Variants in KIAA0825 observed in about 807,000 individuals in gnomAD.
The protein encoded by KIAA0825 is KIAA0825.
A neutral mutation model predicts 147.6 loss-of-function variants in KIAA0825; 119 were observed. That is an observed-to-expected ratio of 0.81 (90% CI 0.69 to 0.94). The LOEUF is 0.94. Among genes scored for constraint, KIAA0825 ranks in the 40% least tolerant of loss-of-function variants. The probability of loss-of-function intolerance (pLI) is 0.00; values close to 1 mark genes in which losing one functional copy is unlikely to be tolerated. For missense variants in KIAA0825, 1,381 were observed against 1,472.7 expected (o/e 0.94, Z 1.02); for synonymous variants, 470 against 518.1 (o/e 0.91, Z 1.26).
intron 1 of KIAA0825, among the ~76,000 whole-genome samples, chr5:94,613,643 C>T (rs901142569): frequency 6.6e-6 from 1 of 152,204 alleles, no homozygotes; most frequent in Non-Finnish European, 1.5e-5. Flanking sequence ...CCAACCCATA[C>T]TTTGTTGGCC....
intron 2 of KIAA0825, among the ~76,000 whole-genome samples, chr5:94,574,237 C>G (rs556421578): frequency 1.3e-5 from 2 of 152,058 alleles, no homozygotes; most frequent in African/African-American, 2.4e-5. Flanking sequence ...ACTTGAGGAA[C>G]GATCCACAAC....
chr5:94,496,600 G>T (rs989317516), intron 5 of KIAA0825, among the ~76,000 whole-genome samples: 1 of 152,154 alleles, frequency 6.6e-6, no homozygotes, highest in African/African-American at 2.4e-5. Context: ...GAATGCACCC[G>T]TGTGGCAGAT....
At chr5:94,516,931 T>C (rs1767362265) in intron 5 of KIAA0825, among the ~76,000 whole-genome samples, 1 of 152,086 alleles carries the variant, frequency 6.6e-6, no homozygotes, top group East Asian at 1.9e-4. Flanking sequence ...CGAAACACCA[T>C]CTCTACTAAA....
chr5:94,586,023 G>A (rs1028361612), intron 1 of KIAA0825, among the ~76,000 whole-genome samples: 1 of 152,166 alleles, frequency 6.6e-6, no homozygotes, highest in African/African-American at 2.4e-5. Flanking sequence ...CCGAATCTCA[G>A]GGACACATTT....
intron 20 of KIAA0825, among the ~76,000 whole-genome samples, chr5:94,216,650 C>T (rs1293870216): frequency 1.3e-5 from 2 of 152,174 alleles, no homozygotes; most frequent in African/African-American, 4.8e-5. Flanking sequence ...GGGAGGAGAG[C>T]CATTTTTCTC....
chr5:94,383,105 A>G (rs917642474), intron 20 of KIAA0825, among the ~76,000 whole-genome samples: 4 of 152,168 alleles, frequency 2.6e-5, no homozygotes, highest in Non-Finnish European at 4.4e-5. Flanking sequence ...TCTTTGGGAC[A>G]GTATAGGTGC....
At chr5:94,310,609 A>G (rs1779075177) in intron 20 of KIAA0825, among the ~76,000 whole-genome samples, 3 of 151,714 alleles carry the variant, frequency 2.0e-5, no homozygotes, top group African/African-American at 7.2e-5. Context: ...ACAATAAATA[A>G]TGTGAACATA....
In KIAA0825 at chr5:94,564,980, TCTC is replaced by T. The variant is rs1196857856; in HGVS notation, c.-2+17450_-2+17452del. 2.7e-5 allele frequency among the ~76,000 whole-genome samples: 4 copies of T among 146,598 alleles called. No homozygotes were observed. In the East Asian group the frequency reaches 7.9e-4, roughly 29 times the overall value. On this transcript the variant is annotated intron_variant, in intron 2 of 20. Transcript: ENST00000682413. The stretch of plus-strand genomic sequence containing the variant: ...TTCTTTTCTTTTCTTTTTCTTCTCT[TCTC>T]TTCTCTTCTCCTCTCTCTCTCTCTC...
chr5:94,565,833 T>G (rs1473374897), intron 2 of KIAA0825, among the ~76,000 whole-genome samples: 1 of 152,206 alleles, frequency 6.6e-6, no homozygotes, highest in East Asian at 1.9e-4. Flanking sequence ...TGTGGAAAGA[T>G]TGAATCAAGC....
intron 20 of KIAA0825, among the ~76,000 whole-genome samples, chr5:94,251,106 A>C (rs771809462): frequency 6.6e-6 from 1 of 152,036 alleles, no homozygotes; most frequent in Non-Finnish European, 1.5e-5. Flanking sequence ...TCTAAAACTC[A>C]CCAGGAATTT....
intron 14 of KIAA0825, among the ~76,000 whole-genome samples, chr5:94,436,015 C>T (rs1756324479): frequency 6.6e-6 from 1 of 152,094 alleles, no homozygotes; most frequent in African/African-American, 2.4e-5. Context: ...ATTATAGATG[C>T]TGGATATTAG....
chr5:94,206,690 ATC>A (rs1772231775), intron 20 of KIAA0825, among the ~76,000 whole-genome samples: 1 of 152,178 alleles, frequency 6.6e-6, no homozygotes, highest in Admixed American at 6.6e-5. Flanking sequence ...TTTCTTACAC[ATC>A]AAAGGTTTCC....
intron 20 of KIAA0825, among the ~76,000 whole-genome samples, chr5:94,333,815 C>G (rs1781519578): frequency 6.6e-6 from 1 of 152,144 alleles, no homozygotes; most frequent in African/African-American, 2.4e-5. Flanking sequence ...AACAGACACA[C>G]AGAGAGCCAA....
At chr5:94,371,941 G>T (rs1389223559) in intron 20 of KIAA0825, among the ~76,000 whole-genome samples, 1 of 152,156 alleles carries the variant, frequency 6.6e-6, no homozygotes. Context: ...TACAATGGGG[G>T]TACAGGCATT....
At chr5:94,616,446 G>C (rs1490146050) in intron 1 of KIAA0825, among the ~76,000 whole-genome samples, 1 of 152,134 alleles carries the variant, frequency 6.6e-6, no homozygotes, top group African/African-American at 2.4e-5. Context: ...GAGTGGAACA[G>C]CACAGTTTTG....
chr5:94,609,983 T>A (rs1366085230), intron 1 of KIAA0825, among the ~76,000 whole-genome samples: 1 of 152,102 alleles, frequency 6.6e-6, no homozygotes, highest in East Asian at 1.9e-4. Flanking sequence ...CTAGCATGAA[T>A]ATATGCTAGA....
intron 20 of KIAA0825, among the ~76,000 whole-genome samples, chr5:94,333,532 G>C (rs1342422480): frequency 6.6e-6 from 1 of 152,144 alleles, no homozygotes; most frequent in Admixed American, 6.5e-5. Context: ...AGATCAGATG[G>C]TTGTAGATGT....
intron 5 of KIAA0825, among the ~76,000 whole-genome samples, chr5:94,511,353 G>T (rs1195970795): frequency 6.6e-6 from 1 of 152,232 alleles, no homozygotes; most frequent in Non-Finnish European, 1.5e-5. Context: ...AGGCGTGGTG[G>T]CTCACACCTG....
intron 20 of KIAA0825, among the ~76,000 whole-genome samples, chr5:94,263,872 T>G (rs1776617357): frequency 6.6e-6 from 1 of 152,150 alleles, no homozygotes; most frequent in South Asian, 2.1e-4. Context: ...GATAGCCTCA[T>G]AAGAAGAAGC....
Sources: gnomAD v4.1 joint callset for allele counts (sites outside exome capture counted in the v4.1 genomes callset) on GRCh38, gnomAD v4.1.1 for gene constraint, MANE v1.5 for transcripts, NCBI Gene and HGNC (gene_info 2026-07-23, HGNC 2026-07-21) for gene names.